Variants in ICA1L observed in about 807,000 individuals in gnomAD.
The protein encoded by ICA1L is islet cell autoantigen 1 like.
In ICA1L, 50 loss-of-function variants were observed where a neutral mutation model predicts 61.3. That is an observed-to-expected ratio of 0.82 (90% CI 0.65 to 1.03). The LOEUF (loss-of-function observed/expected upper bound fraction) is 1.03, where lower values mean the gene tolerates loss of function less well. ICA1L is among the 50% of genes least tolerant of loss of function. ICA1L has a pLI of 0.00. For synonymous variants in ICA1L, 161 were observed against 191.3 expected (o/e 0.84, Z 1.31); for missense variants, 508 against 556.7 (o/e 0.91, Z 0.88).
In ICA1L at chr2:202,775,033, T is replaced by C. The variant is rs544011759; in HGVS notation, c.*4500A>G. The C allele has an allele frequency of 3.9e-5, 6 of 152,354 alleles. No homozygotes were observed. In the South Asian group the frequency reaches 1.2e-3, roughly 32 times the overall value. 9.4% of individuals were successfully genotyped at this position (152,354 alleles called of 1,614,324 possible). A position where few individuals can be genotyped will look rare whatever the true frequency, so the allele number is the denominator to read the frequency against. On this transcript the variant is annotated 3_prime_UTR_variant, in exon 13 of 13. Coordinates refer to ENST00000358299, the MANE Select transcript of ICA1L (RefSeq NM_001288622.3). ...TTGTTTTGAACTCTTTAGTAGTCTT[T>C]TAAATGGTACAGAAAAAGATGGAAA... is the stretch of plus-strand genomic sequence containing the variant.
At chr2:202,815,637 T>C (rs180851920) in intron 7 of ICA1L, among the ~76,000 whole-genome samples, 1 of 152,016 alleles carries the variant, frequency 6.6e-6, no homozygotes, top group African/African-American at 2.4e-5. Flanking sequence ...TTTTTTTACT[T>C]TTAAATTTTT....
intron 12 of ICA1L, among the ~76,000 whole-genome samples, chr2:202,784,102 G>A (rs1014077511): frequency 6.6e-6 from 1 of 152,126 alleles, no homozygotes; most frequent in South Asian, 2.1e-4. Flanking sequence ...GGCCAACACA[G>A]GAACAATGTG....
intron 1 of ICA1L, among the ~76,000 whole-genome samples, chr2:202,831,997 C>T (rs1435871321): frequency 6.6e-6 from 1 of 152,054 alleles, no homozygotes; most frequent in African/African-American, 2.4e-5. Flanking sequence ...CTCCCAAGAC[C>T]TGTGCTAATC....
intron 7 of ICA1L, 69 bp from the exon 8 acceptor site, chr2:202,814,853 A>T (rs1693486509): frequency 7.6e-6 from 8 of 1,050,866 alleles, no homozygotes; most frequent in Non-Finnish European, 1.2e-5. Flanking sequence ...AAAGAAAATG[A>T]GAATATAAAT....
intron 1 of ICA1L, among the ~76,000 whole-genome samples, chr2:202,847,594 T>C (rs1163469573): frequency 6.6e-6 from 1 of 151,014 alleles, no homozygotes; most frequent in Non-Finnish European, 1.5e-5. Flanking sequence ...GAGAAATATA[T>C]GTAAAGTGCT....
intron 1 of ICA1L, among the ~76,000 whole-genome samples, chr2:202,859,408 G>A (rs1694851779): frequency 1.3e-5 from 2 of 152,080 alleles, no homozygotes; most frequent in Admixed American, 1.3e-4. Flanking sequence ...ACAAAAATTA[G>A]CTGAAATTTT....
intron 10 of ICA1L, among the ~76,000 whole-genome samples, chr2:202,791,086 A>G (rs533720927): frequency 1.1e-4 from 16 of 152,358 alleles, no homozygotes; most frequent in Middle Eastern, 3.4e-3. Context: ...CATGGAGGCT[A>G]AACTGTAGGC....
intron 8 of ICA1L, 90 bp from the exon 9 acceptor site, chr2:202,811,879 T>A (rs1024921807): frequency 1.2e-5 from 11 of 905,120 alleles, no homozygotes; most frequent in African/African-American, 1.7e-5. Context: ...GTTAAAAAAA[T>A]TTTCTACTCA....
intron 1 of ICA1L, among the ~76,000 whole-genome samples, chr2:202,845,311 A>T (rs1694436706): frequency 6.6e-6 from 1 of 152,176 alleles, no homozygotes; most frequent in South Asian, 2.1e-4. Flanking sequence ...GCAAAAGGAT[A>T]GGCTCAAGTA....
intron 10 of ICA1L, among the ~76,000 whole-genome samples, chr2:202,789,734 G>GA (rs1343703902): frequency 6.6e-6 from 1 of 152,154 alleles, no homozygotes; most frequent in African/African-American, 2.4e-5. Context: ...TGGACTTTCG[G>GA]AAAAATAATG....
intron 2 of ICA1L, among the ~76,000 whole-genome samples, chr2:202,827,261 G>A (rs1397534479): frequency 6.6e-6 from 1 of 152,080 alleles, no homozygotes; most frequent in East Asian, 1.9e-4. Context: ...AGCCATGGTG[G>A]CAGGCTCCTG....
rs1171525192 is a variant in ICA1L, at chr2:202,840,679, C to T, written c.-7-11663G>A. On this transcript the variant is annotated intron_variant, in intron 1 of 12. Coordinates refer to ENST00000358299, the MANE Select transcript of ICA1L (RefSeq NM_001288622.3). ...GTTCCTGGTACTCATGCAGCTGCTACGCCATGTCCTGCTTGGCCCGCTGCA... is the reference window on the plus strand; with the variant it reads ...GTTCCTGGTACTCATGCAGCTGCTATGCCATGTCCTGCTTGGCCCGCTGCA... 29 of 596,296 alleles carry T rather than the reference C, an allele frequency of 4.9e-5. 1 individual carries two copies. The highest frequency in any genetic ancestry group is 3.5e-4 in the South Asian group (25 of 71,054). 36.9% of individuals were successfully genotyped at this position (596,296 alleles called of 1,614,324 possible). A position where few individuals can be genotyped will look rare whatever the true frequency, so the allele number is the denominator to read the frequency against.
intron 1 of ICA1L, among the ~76,000 whole-genome samples, chr2:202,865,887 A>G (rs1687497326): frequency 6.6e-6 from 1 of 152,194 alleles, no homozygotes; most frequent in Non-Finnish European, 1.5e-5. Context: ...CTAGACTTCC[A>G]AAGTGCTAGG....
At chr2:202,854,877 T>C (rs2105884196) in intron 1 of ICA1L, among the ~76,000 whole-genome samples, 1 of 151,974 alleles carries the variant, frequency 6.6e-6, no homozygotes, top group Non-Finnish European at 1.5e-5. Context: ...AATAAAAAAA[T>C]TAGCTGGGCG....
intron 1 of ICA1L, among the ~76,000 whole-genome samples, chr2:202,862,153 T>G (rs1357225621): frequency 6.6e-6 from 1 of 151,054 alleles, no homozygotes; most frequent in African/African-American, 2.4e-5. Context: ...TAGAAATCAA[T>G]AGAAACCAGG....
intron 10 of ICA1L, among the ~76,000 whole-genome samples, chr2:202,789,582 T>G (rs1188203657): frequency 2.6e-5 from 4 of 152,140 alleles, no homozygotes; most frequent in Non-Finnish European, 5.9e-5. Context: ...AAAAATTGTG[T>G]TCTTAAAGTA....
At chr2:202,833,462 T>C (rs1694066069) in intron 1 of ICA1L, among the ~76,000 whole-genome samples, 1 of 151,990 alleles carries the variant, frequency 6.6e-6, no homozygotes, top group Non-Finnish European at 1.5e-5. Flanking sequence ...GTGTGAGCCT[T>C]TAGTCCCAGC....
chr2:202,790,954 T>C (rs999925140), intron 10 of ICA1L, among the ~76,000 whole-genome samples: 1 of 152,328 alleles, frequency 6.6e-6, no homozygotes, highest in African/African-American at 2.4e-5. Flanking sequence ...CTAATCCCTT[T>C]CCAAAGTCAC....
intron 1 of ICA1L, among the ~76,000 whole-genome samples, chr2:202,830,114 C>G (rs1032120100): frequency 3.9e-5 from 6 of 152,156 alleles, no homozygotes; most frequent in African/African-American, 1.4e-4. Flanking sequence ...TTAACATATG[C>G]TAGGTGCAGT....
Sources: allele counts gnomAD v4.1 joint callset (sites outside exome capture counted in the v4.1 genomes callset), GRCh38; gene constraint gnomAD v4.1.1; transcripts MANE v1.5; gene names NCBI Gene and HGNC (gene_info 2026-07-23, HGNC 2026-07-21).